Variants in KLF8 observed in about 807,000 individuals in gnomAD.
KLF8 encodes the protein KLF transcription factor 8, also known as Krueppel-like factor 8.
In KLF8, 10 loss-of-function variants were observed where a neutral mutation model predicts 18.2. The ratio of observed to expected loss-of-function variants is 0.55; its 90% confidence interval spans 0.34 to 0.93. The LOEUF is 0.93. Among genes scored for constraint, KLF8 ranks in the 40% least tolerant of loss-of-function variants. The pLI is 0.02. For missense variants in KLF8, 264 were observed against 277.9 expected (o/e 0.95, Z 0.36); for synonymous variants, 109 against 97.3 (o/e 1.12, Z -0.71).
the KLF8 span, among the ~76,000 whole-genome samples, chrX:55,943,108 A>G: frequency 9.0e-6 from 1 of 111,096 alleles, no homozygotes; most frequent in East Asian, 2.8e-4. Context: ...AAAAGAACAA[A>G]GGATTATTTT....
the KLF8 span, among the ~76,000 whole-genome samples, chrX:55,970,053 A>T: frequency 9.0e-6 from 1 of 111,175 alleles, no homozygotes; most frequent in Non-Finnish European, 1.9e-5. Flanking sequence ...AAAATAAAGG[A>T]TGGAATACTT....
chrX:56,142,186 G>A, the KLF8 span, among the ~76,000 whole-genome samples: 2 of 111,329 alleles, frequency 1.8e-5, no homozygotes, highest in Non-Finnish European at 3.8e-5. Flanking sequence ...TTTAACTATA[G>A]GATTTTATCC....
the KLF8 span, among the ~76,000 whole-genome samples, chrX:56,115,790 C>T: frequency 8.0e-5 from 9 of 112,071 alleles, no homozygotes; most frequent in Non-Finnish European, 1.5e-4. Context: ...TGGAATATCT[C>T]ATTGAATATT....
chrX:55,998,490 C>G, the KLF8 span, among the ~76,000 whole-genome samples: 22 of 112,539 alleles, frequency 2.0e-4, no homozygotes, highest in East Asian at 5.9e-3. Context: ...GTGGTGATGA[C>G]TCTTAAAGAG....
chrX:56,108,980 C>A, the KLF8 span, among the ~76,000 whole-genome samples: 13 of 111,794 alleles, frequency 1.2e-4, no homozygotes, highest in African/African-American at 4.2e-4. Flanking sequence ...TTAATTTCTG[C>A]ATACTTGTAA....
At chrX:55,934,915 G>T in the KLF8 span, among the ~76,000 whole-genome samples, 1 of 111,549 alleles carries the variant, frequency 9.0e-6, no homozygotes, top group African/African-American at 3.3e-5. Flanking sequence ...ACCTGGTTTT[G>T]TTGGAGTTAG....
At chrX:55,999,958 G>A in the KLF8 span, among the ~76,000 whole-genome samples, 19 of 111,568 alleles carry the variant, frequency 1.7e-4, no homozygotes, top group Non-Finnish European at 3.2e-4. Context: ...TTCCATATTC[G>A]GTATAATGTT....
intron 1 of KLF8, among the ~76,000 whole-genome samples, chrX:56,236,781 A>G (rs2066479816): frequency 9.2e-6 from 1 of 109,103 alleles, no homozygotes; most frequent in Non-Finnish European, 1.9e-5. Context: ...GCTGGAGGCA[A>G]CTAATGTTAT....
At chrX:56,056,837 A>C in the KLF8 span, among the ~76,000 whole-genome samples, 2 of 108,072 alleles carry the variant, frequency 1.9e-5, no homozygotes, top group Non-Finnish European at 1.9e-5. Context: ...GGTGTAAAAA[A>C]AAAAAAAAAA....
chrX:56,144,824 G>C, the KLF8 span, among the ~76,000 whole-genome samples: 1 of 107,033 alleles, frequency 9.3e-6, no homozygotes, highest in Non-Finnish European at 1.9e-5. Flanking sequence ...ATGGAGTCTC[G>C]CTCTGTTGCC....
chrX:56,190,307 C>T, the KLF8 span, among the ~76,000 whole-genome samples: 18 of 110,909 alleles, frequency 1.6e-4, no homozygotes, highest in Non-Finnish European at 3.2e-4. Flanking sequence ...ATGAGTCCAA[C>T]ACTGGAGCAC....
chrX:56,213,164 C>T, the KLF8 span, among the ~76,000 whole-genome samples: 1 of 110,325 alleles, frequency 9.1e-6, no homozygotes, highest in Non-Finnish European at 1.9e-5. Flanking sequence ...GTGAAACATG[C>T]ATCAGCTCTG....
At chrX:56,246,749 G>A (rs756232686) in intron 1 of KLF8, among the ~76,000 whole-genome samples, 1 of 111,619 alleles carries the variant, frequency 9.0e-6, no homozygotes, top group Non-Finnish European at 1.9e-5. Context: ...TAACCAACTG[G>A]CTGAAGATAG....
At chrX:56,151,009 C>T in the KLF8 span, among the ~76,000 whole-genome samples, 4 of 111,221 alleles carry the variant, frequency 3.6e-5, no homozygotes, top group African/African-American at 1.3e-4. Flanking sequence ...CAGGACAGAG[C>T]AGCATTCCAG....
the KLF8 span, among the ~76,000 whole-genome samples, chrX:56,106,316 C>T: frequency 8.9e-6 from 1 of 111,791 alleles, no homozygotes; most frequent in Non-Finnish European, 1.9e-5. Flanking sequence ...AGTGTTTTCC[C>T]TCTTAGTTCC....
chrX:56,216,868 C>T, the KLF8 span, among the ~76,000 whole-genome samples: 3 of 111,270 alleles, frequency 2.7e-5, no homozygotes, highest in African/African-American at 9.8e-5. Flanking sequence ...CTGTTCCCTC[C>T]CTGTTAGCTT....
chrX:56,059,375 T>C, the KLF8 span, among the ~76,000 whole-genome samples: 1 of 112,278 alleles, frequency 8.9e-6, no homozygotes, highest in Admixed American at 9.4e-5. Flanking sequence ...CATTTGTCAA[T>C]TTTGACTTTT....
chrX:56,169,366 A>T, the KLF8 span, among the ~76,000 whole-genome samples: 16 of 111,240 alleles, frequency 1.4e-4, 1 homozygote, highest in Non-Finnish European at 2.1e-4. Flanking sequence ...GCTTGGCCAC[A>T]GGAGGATAGA....
chrX:55,940,679 G>A, the KLF8 span, among the ~76,000 whole-genome samples: 2 of 111,787 alleles, frequency 1.8e-5, no homozygotes, highest in Non-Finnish European at 3.8e-5. Flanking sequence ...CCTCAGAAAA[G>A]TCTCAGGATA....
Sources: gnomAD v4.1 joint callset for allele counts (sites outside exome capture counted in the v4.1 genomes callset) on GRCh38, gnomAD v4.1.1 for gene constraint, MANE v1.5 for transcripts, NCBI Gene and HGNC (gene_info 2026-07-23, HGNC 2026-07-21) for gene names.